PLXNB2: variants seen among roughly 807,000 people sequenced by gnomAD.
PLXNB2 encodes plexin-B2.
PLXNB2 carries 85 observed loss-of-function variants against 202.6 expected under a neutral mutation model. The ratio of observed to expected loss-of-function variants is 0.42; its 90% CI spans 0.35 to 0.50. The LOEUF (loss-of-function observed/expected upper bound fraction) is 0.50. Ranked by LOEUF, PLXNB2 falls within the 20% of genes least tolerant of loss-of-function variation. The pLI, the probability that PLXNB2 is intolerant of heterozygous loss-of-function variation, is 0.02. For synonymous variants in PLXNB2, 1,239 were observed against 1,137.6 expected (o/e 1.09, Z -1.79); for missense variants, 2,063 against 2,586.2 (o/e 0.80, Z 4.39).
rs933683174 is a variant in PLXNB2, at chr22:50,289,298, C to T, written c.1069-156G>A. On this transcript the variant is annotated intron_variant, in intron 3 of 36. Transcript: ENST00000359337. This position sits in a 1 kb window ranked among gnomAD's most constrained non-coding sequence, Gnocchi z 8.0. ...GAACCCACATGGCAGGGAGCCCCAC[C>T]GTGCTCACTGTTGTGTTCCCCAGTG... is the stretch of plus-strand genomic sequence containing the variant. Among the ~76,000 whole-genome samples the T allele has an allele frequency of 2.0e-5, 3 of 152,186 alleles. No homozygotes were observed. The highest frequency in any genetic ancestry group is 4.8e-5 in the African/African-American group (2 of 41,458).
Position 50,288,982 on chromosome 22 carries a change from GT to G in PLXNB2, c.1228del (p.Thr410ProfsTer27). On this transcript the variant is annotated frameshift_variant, in exon 4 of 37. Transcript: ENST00000359337. LOFTEE classifies it high-confidence loss of function. The surrounding 1 kb of genome is among the most constrained non-coding windows in gnomAD (Gnocchi z 5.0). ...ENNHTVAFLGTSDGRILKVYL... is the reference protein window; with the variant it reads ...ENNHTVAFLGXSDGRILKVYL... ...AACCTTGAGGATCCGGCCATCAGAG[GT>G]GCCCAGAAAAGCAACAGTGTGGTTG... The G allele has an allele frequency of 6.2e-7, 1 of 1,609,290 alleles. No individual in the cohort carries two copies. The highest frequency in any genetic ancestry group is 8.5e-7 in the Non-Finnish European group (1 of 1,177,134).
intron 1 of PLXNB2, among the ~76,000 whole-genome samples, chr22:50,303,288 T>C (rs2067775093): frequency 6.6e-6 from 1 of 152,196 alleles, no homozygotes; most frequent in Non-Finnish European, 1.5e-5. Context: ...CATAGCCCCC[T>C]GGAAACTGCC....
At position 50,290,330 on chromosome 22, in the gene PLXNB2, G is replaced by A; in HGVS notation, c.255C>T (p.Ser85=). 6.2e-7 allele frequency: 1 copy of A among 1,612,286 alleles called. No homozygotes were observed. Among genetic ancestry groups the A allele is most frequent in the Non-Finnish European group, 8.5e-7 (1 of 1,180,000 alleles). The change falls in exon 3 of 37, where the codon AGC becomes AGT. Residue 85 remains serine, a synonymous_variant. Transcript: ENST00000359337. ...CAGTCATCTCAGCCTCATGGCACTG[G>A]CTGGCCTCGATGGGCGGCGTGCACT... is the stretch of plus-strand genomic sequence containing the variant. ...NKKCTPPIEA[S]QCHEAEMTDN... is the part of the protein sequence containing the mutation.
chr22:50,295,321 A>T (rs903019412), intron 1 of PLXNB2, among the ~76,000 whole-genome samples: 6 of 148,562 alleles, frequency 4.0e-5, no homozygotes, highest in African/African-American at 1.5e-4. Flanking sequence ...AAAAAAAAAA[A>T]AAAAAAGTTG....
At position 50,284,017 on chromosome 22, in the gene PLXNB2, C is replaced by T. The variant is rs2066223985; in HGVS notation, c.2264-27G>A. 2 of 1,528,596 alleles carry T rather than the reference C, an allele frequency of 1.3e-6. No individual in the cohort carries two copies. Among genetic ancestry groups the T allele is most frequent in the African/African-American group, 1.4e-5 (1 of 72,892 alleles). 94.7% of individuals were successfully genotyped at this position (1,528,596 alleles called of 1,614,324 possible). On this transcript the variant is annotated intron_variant, in intron 13 of 36. Coordinates refer to ENST00000359337, the MANE Select transcript of PLXNB2 (RefSeq NM_012401.4). The surrounding 1 kb of genome is among the most constrained non-coding windows in gnomAD (Gnocchi z 8.0). ...TGCGGGGAGAGCTGCCGTCAGTGGT[C>T]ACCCCGTGCCTGCCCGCCCCCGACC... is the stretch of plus-strand genomic sequence containing the variant.
In PLXNB2 at chr22:50,289,186, G is replaced by A. The variant is rs1465728305; in HGVS notation, c.1069-44C>T. 6 of 1,482,256 alleles carry A rather than the reference G, an allele frequency of 4.0e-6. No homozygotes were observed. The highest frequency in any genetic ancestry group is 1.8e-4 in the Middle Eastern group (1 of 5,666). 91.8% of individuals were successfully genotyped at this position (1,482,256 alleles called of 1,614,324 possible). On this transcript the variant is annotated intron_variant, in intron 3 of 36. Transcript: ENST00000359337. This position sits in a 1 kb window ranked among gnomAD's most constrained non-coding sequence, Gnocchi z 8.0. ...CAATGGCAGGCAGACCCCCTGTCCT[G>A]AAGGGCCCTCTCCACTCGCGCTCCA...
chr22:50,276,523 T>C (rs970207920), intron 35 of PLXNB2, 106 bp downstream of exon 35: 4 of 977,910 alleles, frequency 4.1e-6, no homozygotes, highest in Non-Finnish European at 4.9e-6. Context: ...CCACCCTCTC[T>C]CCCCCTCAGC....
At chr22:50,293,817 G>A (rs1036945083) in intron 2 of PLXNB2, among the ~76,000 whole-genome samples, 21 of 152,184 alleles carry the variant, frequency 1.4e-4, no homozygotes, top group Non-Finnish European at 2.9e-4. Flanking sequence ...GGCTGTAGGG[G>A]CCCCGGTACA....
intron 25 of PLXNB2, 103 bp from the exon 26 acceptor site, chr22:50,280,174 G>A (rs947163521): frequency 7.7e-5 from 72 of 937,178 alleles, no homozygotes; most frequent in Non-Finnish European, 9.9e-5. Flanking sequence ...CCTCGCCCCT[G>A]TCCAGCCTGG....
At chr22:50,294,802 G>A (rs1320291471) in intron 1 of PLXNB2, 24 bp from the exon 2 acceptor site, 43 of 979,768 alleles carry the variant, frequency 4.4e-5, no homozygotes, top group Middle Eastern at 5.2e-4. Flanking sequence ...GAGAGACGCC[G>A]GTCACAAGAG....
At chr22:50,305,073 A>G (rs2067837622) in intron 1 of PLXNB2, among the ~76,000 whole-genome samples, 1 of 152,240 alleles carries the variant, frequency 6.6e-6, no homozygotes, top group Non-Finnish European at 1.5e-5. Context: ...GTGCCTGCCT[A>G]GCTCAGAGAA....
intron 1 of PLXNB2, among the ~76,000 whole-genome samples, chr22:50,304,309 T>C (rs1285408654): frequency 6.6e-6 from 1 of 152,090 alleles, no homozygotes; most frequent in African/African-American, 2.4e-5. Flanking sequence ...GCAGGGTGGA[T>C]CCACTGGGGG....
Position 50,283,457 on chromosome 22 carries a change from C to A in PLXNB2, c.2571-12G>T, listed in dbSNP as rs2147414339. On this transcript the variant is annotated splice_polypyrimidine_tract_variant and intron_variant, in intron 15 of 36. Transcript: ENST00000359337. ...TCACACACACGATCCTGGCGGGCGA[C>A]AGGCAGTGTGGCCCAGGCACTCCCC... is the stretch of plus-strand genomic sequence containing the variant. 6.2e-7 allele frequency: 1 copy of A among 1,611,922 alleles called. No individual in the cohort carries two copies. The highest frequency in any genetic ancestry group is 2.2e-5 in the East Asian group (1 of 44,860).
intron 1 of PLXNB2, among the ~76,000 whole-genome samples, chr22:50,300,591 G>C (rs1190027829): frequency 1.3e-5 from 2 of 152,244 alleles, no homozygotes; most frequent in Non-Finnish European, 2.9e-5. Context: ...CTGATGTGGA[G>C]GCCTGAGCCT....
chr22:50,289,459 A>C lies in PLXNB2; in HGVS notation c.1068+58T>G. ...CCCTCCCCAGCAGGCTGGGACACGC[A>C]AACCCACGAACGGACGCCTGCAGTC... On this transcript the variant is annotated intron_variant, in intron 3 of 36. Coordinates refer to ENST00000359337, the MANE Select transcript of PLXNB2 (RefSeq NM_012401.4). This position sits in a 1 kb window ranked among gnomAD's most constrained non-coding sequence, Gnocchi z 8.0. 1 of 1,506,402 alleles carries C rather than the reference A, an allele frequency of 6.6e-7. No homozygotes were observed. The highest frequency in any genetic ancestry group is 1.3e-5 in the South Asian group (1 of 78,644). 93.3% of individuals were successfully genotyped at this position (1,506,402 alleles called of 1,614,324 possible). A position where few individuals can be genotyped will look rare whatever the true frequency, so the allele number is the denominator to read the frequency against.
chr22:50,275,947 A>C lies in PLXNB2; in HGVS notation c.5354T>G (p.Leu1785Trp). The C allele has an allele frequency of 6.2e-7, 1 of 1,612,566 alleles. No individual in the cohort carries two copies. Among genetic ancestry groups the C allele is most frequent in the Non-Finnish European group, 8.5e-7 (1 of 1,179,824 alleles). ...CTGGTGGAGTGCCACGAGGGTGTTC[A>C]AGGAGTCCGTGTGCGCCTGGGGGGT... ...AEISRAHTDS[L>W]NTLVALHQLY... Residue 1785 changes from leucine (L) to tryptophan (W), a missense_variant, in exon 36 of 37, where the codon TTG becomes TGG. Transcript: ENST00000359337.
At position 50,289,954 on chromosome 22, in the gene PLXNB2, G is replaced by C. The variant is rs2066752897; in HGVS notation, c.631C>G (p.Leu211Val). The C allele has an allele frequency of 1.9e-6, 3 of 1,613,244 alleles. No individual in the cohort carries two copies. Among genetic ancestry groups the C allele is most frequent in the Non-Finnish European group, 2.5e-6 (3 of 1,180,050 alleles). ...ACGAACTGCTGTGTGTTGGTGGACA[G>C]GTAGCCGGCCTTGTAGGTGGCGTGG... is the stretch of plus-strand genomic sequence containing the variant. ...TDHATYKAGY[L>V]STNTQQFVAA... The change falls in exon 3 of 37, where the codon CTG becomes GTG. Residue 211 changes from leucine to valine, a missense_variant. Physicochemically the swap from Leu to Val is conservative, Grantham distance 32. Coordinates refer to ENST00000359337, the MANE Select transcript of PLXNB2 (RefSeq NM_012401.4). The surrounding 1 kb of genome is among the most constrained non-coding windows in gnomAD (Gnocchi z 8.0).
At position 50,275,375 on chromosome 22, in the gene PLXNB2, T is replaced by TGGGCGG. The variant is rs888099730; in HGVS notation, c.*323_*328dup. The TGGGCGG allele has an allele frequency of 6.3e-6, 3 of 476,246 alleles. No homozygotes were observed. Among genetic ancestry groups the TGGGCGG allele is most frequent in the African/African-American group, 5.9e-5 (3 of 50,868 alleles). The allele number at this position is 476,246 out of a possible 1,614,324, so 29.5% of individuals were successfully genotyped here. On this transcript the variant is annotated 3_prime_UTR_variant, in exon 37 of 37. Transcript: ENST00000359337. ...GGGCATGGAGGCGGCTGCTGGTGCG[T>TGGGCGG]GGGCGGAGGCGGAGGCCAGCTGCCC...
intron 1 of PLXNB2, chr22:50,301,354 T>A (rs1447248875): frequency 2.0e-6 from 2 of 981,438 alleles, no homozygotes; most frequent in Admixed American, 6.1e-5. Flanking sequence ...TACCGATGTC[T>A]CCGTGCTTCC....
Sources: allele counts gnomAD v4.1 joint callset (sites outside exome capture counted in the v4.1 genomes callset), GRCh38; gene constraint gnomAD v4.1.1; non-coding constraint Gnocchi (gnomAD v3.1); transcripts MANE v1.5; gene names NCBI Gene and HGNC (gene_info 2026-07-23, HGNC 2026-07-21).